The following NPSR1 variants were observed in gnomAD, a reference collection of about 807,000 sequenced individuals.
NPSR1 encodes neuropeptide S receptor.
NPSR1 carries 48 observed loss-of-function variants against 46.9 expected under a neutral mutation model. That is an observed-to-expected ratio of 1.02 (90% CI 0.81 to 1.30). The LOEUF (loss-of-function observed/expected upper bound fraction) is 1.30, where lower values mean the gene tolerates loss of function less well. NPSR1 is among the 50% of genes most tolerant of loss of function. The probability of loss-of-function intolerance (pLI) is 0.00; values close to 1 mark genes in which losing one functional copy is unlikely to be tolerated. For synonymous variants in NPSR1, 176 were observed against 168.1 expected, an observed-to-expected ratio of 1.05 and a Z score of -0.36; for missense variants, 450 against 449.5, an observed-to-expected ratio of 1.00 and a Z score of -0.01.
intron 2 of NPSR1, among the ~76,000 whole-genome samples, chr7:34,743,098 G>A (rs1423891814): frequency 6.6e-6 from 1 of 152,074 alleles, no homozygotes; most frequent in Non-Finnish European, 1.5e-5. Context: ...ATTCTGTAGG[G>A]TGTCTTTTTA....
At chr7:34,766,342 C>T (rs66798184) in intron 2 of NPSR1, among the ~76,000 whole-genome samples, 16,438 of 152,024 alleles carry the variant, frequency 0.11, 1,110 homozygotes, top group Middle Eastern at 0.17. Flanking sequence ...CCAACAATTC[C>T]ACTTCTGAGT....
At chr7:34,691,958 A>C (rs1176823043) in intron 2 of NPSR1, among the ~76,000 whole-genome samples, 1 of 152,108 alleles carries the variant, frequency 6.6e-6, no homozygotes, top group Admixed American at 6.6e-5. Context: ...CCACAAAATA[A>C]ATAAATGAAT....
intron 2 of NPSR1, among the ~76,000 whole-genome samples, chr7:34,715,155 A>C (rs1783498382): frequency 6.6e-6 from 1 of 152,228 alleles, no homozygotes; most frequent in Non-Finnish European, 1.5e-5. Context: ...AATACAGCAG[A>C]GATATGACGG....
At chr7:34,763,028 C>T (rs1229039896) in intron 2 of NPSR1, among the ~76,000 whole-genome samples, 2 of 152,140 alleles carry the variant, frequency 1.3e-5, no homozygotes, top group Non-Finnish European at 1.5e-5. Context: ...CACTAGTGAC[C>T]TTTGTGTTTT....
intron 2 of NPSR1, among the ~76,000 whole-genome samples, chr7:34,731,196 A>G (rs1250645354): frequency 1.3e-5 from 2 of 152,184 alleles, no homozygotes; most frequent in Non-Finnish European, 2.9e-5. Context: ...TAGCTGATCA[A>G]GAGTTAATAT....
intron 3 of NPSR1, among the ~76,000 whole-genome samples, chr7:34,784,982 A>G (rs975367485): frequency 6.6e-6 from 1 of 152,126 alleles, no homozygotes; most frequent in Non-Finnish European, 1.5e-5. Context: ...GCGATTCCTC[A>G]GGGATCTAGA....
intron 2 of NPSR1, among the ~76,000 whole-genome samples, chr7:34,737,950 C>A (rs1211454715): frequency 1.3e-5 from 2 of 152,182 alleles, no homozygotes; most frequent in African/African-American, 2.4e-5. Context: ...TATATCCCAC[C>A]ACCGGAATGG....
intron 2 of NPSR1, among the ~76,000 whole-genome samples, chr7:34,775,201 C>T (rs1786895904): frequency 1.3e-5 from 2 of 152,194 alleles, no homozygotes; most frequent in Admixed American, 1.3e-4. Context: ...GTCCATGTCT[C>T]TTCAGACCTT....
intron 2 of NPSR1, among the ~76,000 whole-genome samples, chr7:34,731,952 G>A (rs925532665): frequency 1.6e-4 from 24 of 151,948 alleles, no homozygotes; most frequent in African/African-American, 4.1e-4. Context: ...AGGCCAAGGC[G>A]GGCAGATCAC....
At chr7:34,790,731 TTA>T (rs558880788) in intron 3 of NPSR1, among the ~76,000 whole-genome samples, 1,929 of 130,984 alleles carry the variant, frequency 0.015, 89 homozygotes, top group African/African-American at 0.036. Flanking sequence ...ATGTTATATG[TTA>T]TATGTTATAT....
intron 2 of NPSR1, among the ~76,000 whole-genome samples, chr7:34,754,694 T>A (rs1378989204): frequency 2.0e-5 from 3 of 152,242 alleles, no homozygotes; most frequent in Non-Finnish European, 4.4e-5. Flanking sequence ...TGGCTTTTAA[T>A]ATATTCACAG....
chr7:34,870,163 T>C (rs1441816512), intron 8 of NPSR1, among the ~76,000 whole-genome samples: 1 of 151,926 alleles, frequency 6.6e-6, no homozygotes, highest in Non-Finnish European at 1.5e-5. Flanking sequence ...TCCTCCTCCC[T>C]CTGAGCTGCC....
chr7:34,857,159 C>T (rs1410812006), intron 8 of NPSR1, among the ~76,000 whole-genome samples: 1 of 151,534 alleles, frequency 6.6e-6, no homozygotes, highest in African/African-American at 2.4e-5. Context: ...TATATCATGA[C>T]TATTGTTCAG....
chr7:34,819,505 T>C (rs1789440466), intron 4 of NPSR1, among the ~76,000 whole-genome samples: 1 of 152,212 alleles, frequency 6.6e-6, no homozygotes, highest in Non-Finnish European at 1.5e-5. Context: ...GAACACAGTG[T>C]GGCGATTCCT....
chr7:34,767,933 G>T (rs1162483038), intron 2 of NPSR1, among the ~76,000 whole-genome samples: 1 of 152,064 alleles, frequency 6.6e-6, no homozygotes, highest in Admixed American at 6.5e-5. Flanking sequence ...ACTAGAATAA[G>T]TTCTAGTGTT....
chr7:34,859,860 G>C (rs922215791), intron 8 of NPSR1, among the ~76,000 whole-genome samples: 1 of 151,696 alleles, frequency 6.6e-6, no homozygotes, highest in African/African-American at 2.4e-5. Context: ...CAATGGGCTG[G>C]TACTTAGGAG....
intron 4 of NPSR1, among the ~76,000 whole-genome samples, chr7:34,819,646 C>A (rs1789453056): frequency 6.6e-6 from 1 of 152,166 alleles, no homozygotes; most frequent in African/African-American, 2.4e-5. Flanking sequence ...GCACTATTCA[C>A]AATAGCAAAG....
chr7:34,691,569 T>G (rs373811802), intron 2 of NPSR1, among the ~76,000 whole-genome samples: 13 of 152,100 alleles, frequency 8.5e-5, no homozygotes, highest in African/African-American at 3.1e-4. Flanking sequence ...GCCATTCTTA[T>G]ATTAGATAAA....
chr7:34,778,649 C>T, intron 3 of NPSR1, 84 bp downstream of exon 3: 1 of 873,686 alleles, frequency 1.1e-6, no homozygotes. Context: ...CATATAAAAC[C>T]TTGCATTCCT....
Sources: allele counts gnomAD v4.1 joint callset (sites outside exome capture counted in the v4.1 genomes callset), GRCh38; gene constraint gnomAD v4.1.1; transcripts MANE v1.5; gene names NCBI Gene and HGNC (gene_info 2026-07-23, HGNC 2026-07-21).